The following AFG1L variants were observed in gnomAD, a reference collection of about 807,000 sequenced individuals.
AFG1L encodes AFG1 like ATPase.
A neutral mutation model predicts 62.2 loss-of-function variants in AFG1L; 53 were observed. The observed-to-expected ratio is 0.85, with a 90% CI of 0.68 to 1.07. AFG1L has a LOEUF of 1.07. AFG1L is among the 50% of genes least tolerant of loss of function. AFG1L has a pLI of 0.00. For synonymous variants in AFG1L, 228 were observed against 210.3 expected (o/e 1.08, Z -0.73); for missense variants, 555 against 590.5 (o/e 0.94, Z 0.62).
At chr6:108,345,428 C>T (rs142270109) in intron 2 of AFG1L, among the ~76,000 whole-genome samples, 6 of 151,856 alleles carry the variant, frequency 4.0e-5, no homozygotes, top group Admixed American at 1.3e-4. Context: ...GATGTGATCT[C>T]GATTCACTGT....
intron 10 of AFG1L, among the ~76,000 whole-genome samples, chr6:108,506,944 A>G (rs1326096782): frequency 1.3e-5 from 2 of 152,174 alleles, no homozygotes; most frequent in Non-Finnish European, 1.5e-5. Context: ...CTTTTTAGAA[A>G]TATGCTTACC....
At chr6:108,502,612 T>C (rs1774251762) in intron 10 of AFG1L, among the ~76,000 whole-genome samples, 1 of 152,158 alleles carries the variant, frequency 6.6e-6, no homozygotes. Flanking sequence ...AGTGCTGGGA[T>C]TATAGGCATG....
At chr6:108,420,945 G>C (rs1305985547) in intron 7 of AFG1L, among the ~76,000 whole-genome samples, 3 of 152,076 alleles carry the variant, frequency 2.0e-5, no homozygotes, top group Non-Finnish European at 4.4e-5. Flanking sequence ...CTAGTTCTTT[G>C]AATGATGAGA....
chr6:108,353,803 C>G (rs1307735497), intron 3 of AFG1L, among the ~76,000 whole-genome samples: 2 of 152,142 alleles, frequency 1.3e-5, no homozygotes, highest in Non-Finnish European at 2.9e-5. Flanking sequence ...TCAAGAGATA[C>G]TGTACTGAAT....
chr6:108,437,561 A>G (rs1771363230), intron 7 of AFG1L, among the ~76,000 whole-genome samples: 1 of 152,196 alleles, frequency 6.6e-6, no homozygotes, highest in Admixed American at 6.5e-5. Flanking sequence ...ATGAGCAGAC[A>G]TTTTAGATAA....
chr6:108,426,768 C>T (rs1770833020), intron 7 of AFG1L, among the ~76,000 whole-genome samples: 1 of 151,984 alleles, frequency 6.6e-6, no homozygotes, highest in Non-Finnish European at 1.5e-5. Context: ...CAAATGCCAA[C>T]ATCACATAAA....
Position 108,323,903 on chromosome 6 carries a change from A to G in AFG1L, c.218A>G (p.His73Arg), listed in dbSNP as rs143222151. The G allele has an allele frequency of 2.8e-4, 451 of 1,614,106 alleles. No individual in the cohort carries two copies. The highest frequency in any genetic ancestry group is 3.6e-4 in the Non-Finnish European group (429 of 1,180,044). Residue 73 changes from histidine to arginine, a missense_variant, in exon 2 of 13, where the codon CAT (histidine) becomes CGT (arginine). By Grantham distance (29) the His-to-Arg change is conservative. Coordinates refer to ENST00000368977, the MANE Select transcript of AFG1L (RefSeq NM_145315.5). The stretch of plus-strand genomic sequence containing the variant: ...TATTTGAAAGCTTTGGCCGTTTGCC[A>G]TGGACCTCTGGACCACTATGATTTT... ...ETYLKALAVC[H>R]GPLDHYDFLI...
chr6:108,448,321 T>C (rs896322519), intron 8 of AFG1L, among the ~76,000 whole-genome samples: 1 of 152,152 alleles, frequency 6.6e-6, no homozygotes, highest in Non-Finnish European at 1.5e-5. Context: ...TTCTTCCCAG[T>C]TTCTTTTATG....
intron 2 of AFG1L, among the ~76,000 whole-genome samples, chr6:108,345,089 T>G (rs1778815854): frequency 6.6e-6 from 1 of 152,182 alleles, no homozygotes. Context: ...AGGACAATTT[T>G]CCATTTTCAC....
chr6:108,446,902 A>AT, intron 7 of AFG1L, among the ~76,000 whole-genome samples: 1 of 152,184 alleles, frequency 6.6e-6, no homozygotes, highest in South Asian at 2.1e-4. Context: ...GGTATTAGAA[A>AT]TTGGGCTATT....
intron 8 of AFG1L, among the ~76,000 whole-genome samples, chr6:108,472,591 A>G (rs182971860): frequency 6.6e-6 from 1 of 152,234 alleles, no homozygotes; most frequent in Admixed American, 6.5e-5. Flanking sequence ...ATTTGGATAG[A>G]AGAATGGCAT....
At chr6:108,493,738 C>T (rs1416916918) in intron 10 of AFG1L, among the ~76,000 whole-genome samples, 1 of 152,122 alleles carries the variant, frequency 6.6e-6, no homozygotes, top group Non-Finnish European at 1.5e-5. Flanking sequence ...TATGCTTTTG[C>T]AGTTGTTATG....
chr6:108,523,585 C>T lies in AFG1L; in HGVS notation c.*1160C>T, dbSNP rs1298620998. ...CATAGGTGAGTCAGTCCAATGAATA[C>T]AATGGTCAACATAAGTAAGCTCTTT... is the stretch of plus-strand genomic sequence containing the variant. On this transcript the variant is annotated 3_prime_UTR_variant, in exon 13 of 13. Transcript: ENST00000368977. 6.6e-6 allele frequency: 1 copy of T among 152,090 alleles called. No homozygotes were observed. The highest frequency in any genetic ancestry group is 2.4e-5 in the African/African-American group (1 of 41,400). 9.4% of individuals were successfully genotyped at this position (152,090 alleles called of 1,614,324 possible). A position where few individuals can be genotyped will look rare whatever the true frequency, so the allele number is the denominator to read the frequency against.
At chr6:108,467,393 CCG>C (rs1772718689) in intron 8 of AFG1L, among the ~76,000 whole-genome samples, 1 of 151,830 alleles carries the variant, frequency 6.6e-6, no homozygotes, top group African/African-American at 2.4e-5. Flanking sequence ...TTACAGGCCC[CCG>C]CCACCACACC....
chr6:108,494,076 C>T (rs1773874579), intron 10 of AFG1L, among the ~76,000 whole-genome samples: 1 of 152,150 alleles, frequency 6.6e-6, no homozygotes, highest in African/African-American at 2.4e-5. Context: ...CCCGTCTCGG[C>T]CTCCCAAACT....
At chr6:108,402,108 A>G in intron 7 of AFG1L, 54 bp downstream of exon 7, 3 of 870,092 alleles carry the variant, frequency 3.4e-6, no homozygotes, top group Non-Finnish European at 5.2e-6. Flanking sequence ...TTGATAATCA[A>G]GGGCTTTAGT....
intron 11 of AFG1L, among the ~76,000 whole-genome samples, chr6:108,518,734 A>ACACTCATT (rs1269003549): frequency 6.6e-6 from 1 of 152,244 alleles, no homozygotes; most frequent in Non-Finnish European, 1.5e-5. Context: ...TCACATATGA[A>ACACTCATT]CACTCATTCA....
intron 10 of AFG1L, among the ~76,000 whole-genome samples, chr6:108,484,809 TAAAAGA>T (rs1429134167): frequency 6.6e-6 from 1 of 152,158 alleles, no homozygotes; most frequent in Non-Finnish European, 1.5e-5. Flanking sequence ...ATTTTATACA[TAAAAGA>T]AAAAGTGAAC....
chr6:108,412,855 A>C (rs1782178274), intron 7 of AFG1L, among the ~76,000 whole-genome samples: 1 of 152,224 alleles, frequency 6.6e-6, no homozygotes, highest in Admixed American at 6.5e-5. Context: ...AAACTGCATC[A>C]ACTAATGAGC....
Sources: gnomAD v4.1 joint callset for allele counts (sites outside exome capture counted in the v4.1 genomes callset) on GRCh38, gnomAD v4.1.1 for gene constraint, MANE v1.5 for transcripts, NCBI Gene and HGNC (gene_info 2026-07-23, HGNC 2026-07-21) for gene names.